The following GDF6 variants were observed in gnomAD, a reference collection of about 807,000 sequenced individuals.
The protein encoded by GDF6 is growth differentiation factor 6.
GDF6 carries 3 observed loss-of-function variants against 32.4 expected under a neutral mutation model. That is an observed-to-expected ratio of 0.09 (90% CI 0.04 to 0.24). GDF6 has a LOEUF of 0.24. Among genes scored for constraint, GDF6 ranks in the 10% least tolerant of loss-of-function variants. The probability of loss-of-function intolerance (pLI) is 1.00; values close to 1 mark genes in which losing one functional copy is unlikely to be tolerated. For missense variants in GDF6, 589 were observed against 637.9 expected, an observed-to-expected ratio of 0.92 and a Z score of 0.83; for synonymous variants, 296 against 295.3, an observed-to-expected ratio of 1.00 and a Z score of -0.03.
intron 1 of GDF6, among the ~76,000 whole-genome samples, chr8:96,149,922 G>T (rs528912294): frequency 1.3e-5 from 2 of 152,200 alleles, no homozygotes; most frequent in Non-Finnish European, 2.9e-5. Context: ...GACTCTGTGC[G>T]CTTGCCCACT....
rs958419622 is a variant in GDF6 at position 96,145,738 on chromosome 8, G to T, written c.407-214C>A. 6.6e-6 allele frequency among the ~76,000 whole-genome samples: 1 copy of T among 152,104 alleles called. No individual in the cohort carries two copies. Among genetic ancestry groups the T allele is most frequent in the Non-Finnish European group, 1.5e-5 (1 of 68,004 alleles). Reference sequence around the variant, plus strand: ...CGCCAGGACGGGCCCCCTCCTTCGCGTCAGCTCCGGACTCTCAGGGCGGAA... The same window carrying T: ...CGCCAGGACGGGCCCCCTCCTTCGCTTCAGCTCCGGACTCTCAGGGCGGAA... On this transcript the variant is annotated intron_variant, in intron 1 of 1. Transcript: ENST00000287020. This position sits in a 1 kb window ranked among gnomAD's most constrained non-coding sequence, Gnocchi z 5.6.
chr8:96,146,731 G>T (rs1166044239), intron 1 of GDF6, among the ~76,000 whole-genome samples: 1 of 151,358 alleles, frequency 6.6e-6, no homozygotes, highest in Non-Finnish European at 1.5e-5. Context: ...GAGAGATAGA[G>T]AGACTTTCCC....
chr8:96,144,483 C>G lies in GDF6; in HGVS notation c.*80G>C. On this transcript the variant is annotated 3_prime_UTR_variant, in exon 2 of 2. Coordinates refer to ENST00000287020, the MANE Select transcript of GDF6 (RefSeq NM_001001557.4). The surrounding 1 kb of genome is among the most constrained non-coding windows in gnomAD (Gnocchi z 5.1). Reference sequence around the variant, plus strand: ...CCCCCAGCGCCAGCTTCCTCCTCCGCCTCTCTGCAGCCAGGCCTCCCCTGC... The same window carrying G: ...CCCCCAGCGCCAGCTTCCTCCTCCGGCTCTCTGCAGCCAGGCCTCCCCTGC... 6.5e-7 allele frequency: 1 copy of G among 1,544,198 alleles called. No homozygotes were observed. Among genetic ancestry groups the G allele is most frequent in the Non-Finnish European group, 8.8e-7 (1 of 1,142,090 alleles).
chr8:96,148,820 C>A (rs1340346179), intron 1 of GDF6, among the ~76,000 whole-genome samples: 1 of 152,204 alleles, frequency 6.6e-6, no homozygotes, highest in African/African-American at 2.4e-5. Context: ...GCCACAAGTT[C>A]TCTTGGTTCT....
Position 96,145,633 on chromosome 8 carries a change from G to T in GDF6, c.407-109C>A. The T allele has an allele frequency of 1.5e-6, 2 of 1,361,766 alleles. No homozygotes were observed. The highest frequency in any genetic ancestry group is 2.0e-6 in the Non-Finnish European group (2 of 980,434). The allele number at this position is 1,361,766 out of a possible 1,614,324, so 84.4% of individuals were successfully genotyped here. On this transcript the variant is annotated intron_variant, in intron 1 of 1. Coordinates refer to ENST00000287020, the MANE Select transcript of GDF6 (RefSeq NM_001001557.4). The surrounding 1 kb of genome is among the most constrained non-coding windows in gnomAD (Gnocchi z 5.6). ...GGCGGGGAGTGGGGGCAGGTCGGCC[G>T]GGCAGTCCAGCTTGCCCGGCCCAGG...
chr8:96,145,674 C>A lies in GDF6; in HGVS notation c.407-150G>T, dbSNP rs572155748. ...CCGGCCCAGGGCCTGACCACCCCGG[C>A]TCCCCATCTGGCTGGTGCATGGCGC... On this transcript the variant is annotated intron_variant, in intron 1 of 1. Transcript: ENST00000287020. The surrounding 1 kb of genome is among the most constrained non-coding windows in gnomAD (Gnocchi z 5.6). 2.2e-6 allele frequency: 2 copies of A among 896,190 alleles called. No individual in the cohort carries two copies. Among genetic ancestry groups the A allele is most frequent in the South Asian group, 1.5e-5 (1 of 65,990 alleles). 55.5% of individuals were successfully genotyped at this position (896,190 alleles called of 1,614,324 possible). A position where few individuals can be genotyped will look rare whatever the true frequency, so the allele number is the denominator to read the frequency against.
At position 96,160,609 on chromosome 8, in the gene GDF6, G is replaced by C; in HGVS notation, c.84C>G (p.Ile28Met). ...WDLPGFQQAS[I>M]SSSSSSAELG... ...GCTCGGCGGACGACGAGGAGGATGA[G>C]ATGGAAGCCTGCTGGAAACCGGGCA... Residue 28 changes from isoleucine to methionine, a missense_variant, in exon 1 of 2, where the codon ATC becomes ATG. Ile to Met is a conservative substitution (Grantham distance 10). Around this residue, in one of 2 missense-constraint regions of GDF6, gnomAD observed 436 missense variants for 411.2 expected, o/e 1.06. Transcript: ENST00000287020. 1 of 1,613,762 alleles carries C rather than the reference G, an allele frequency of 6.2e-7. No homozygotes were observed. Among genetic ancestry groups the C allele is most frequent in the Non-Finnish European group, 8.5e-7 (1 of 1,179,730 alleles).
chr8:96,144,198 C>A lies in GDF6; in HGVS notation c.*365G>T. 1 of 230,714 alleles carries A rather than the reference C, an allele frequency of 4.3e-6. No individual in the cohort carries two copies. The highest frequency in any genetic ancestry group is 8.6e-6 in the Non-Finnish European group (1 of 116,558). 14.3% of individuals were successfully genotyped at this position (230,714 alleles called of 1,614,324 possible). ...TATGCATCTCTCCTCCCCTCCCCTT[C>A]TATCAAAGCCTGTAAGACACATAAG... is the stretch of plus-strand genomic sequence containing the variant. On this transcript the variant is annotated 3_prime_UTR_variant, in exon 2 of 2. Transcript: ENST00000287020. The surrounding 1 kb of genome is among the most constrained non-coding windows in gnomAD (Gnocchi z 5.1).
At chr8:96,156,623 A>C (rs536098743) in intron 1 of GDF6, among the ~76,000 whole-genome samples, 1 of 152,298 alleles carries the variant, frequency 6.6e-6, no homozygotes, top group South Asian at 2.1e-4. Flanking sequence ...ATGGCACCTA[A>C]ACACACAGGC....
rs1812746929 is a variant in GDF6 at position 96,160,714 on chromosome 8, C to T, written c.-22G>A. The T allele has an allele frequency of 5.6e-6, 9 of 1,611,490 alleles. No homozygotes were observed. The East Asian group carries it at 8.9e-5, about 16-fold the overall frequency. ...CCATGGCGGGCAAGTGGCTGCGTCT[C>T]CCCAGGAGGCGGTGGCGGCGGCGCA... On this transcript the variant is annotated 5_prime_UTR_variant, in exon 1 of 2. Coordinates refer to ENST00000287020, the MANE Select transcript of GDF6 (RefSeq NM_001001557.4).
At position 96,144,291 on chromosome 8, in the gene GDF6, A is replaced by AGAGAGAGAGGG. The variant is rs1554571161; in HGVS notation, c.*271_*272insCCCTCTCTCTC. On this transcript the variant is annotated 3_prime_UTR_variant, in exon 2 of 2. Coordinates refer to ENST00000287020, the MANE Select transcript of GDF6 (RefSeq NM_001001557.4). The surrounding 1 kb of genome is among the most constrained non-coding windows in gnomAD (Gnocchi z 5.1). ...GAGAGAGAGAGAGAGAGAGAGAGAG[A>AGAGAGAGAGGG]AAACAGAACAAAAGAAATCCTCCTT... 2.1e-6 allele frequency: 1 copy of AGAGAGAGAGGG among 485,046 alleles called. No individual in the cohort carries two copies. Among genetic ancestry groups the AGAGAGAGAGGG allele is most frequent in the African/African-American group, 2.4e-5 (1 of 41,078 alleles). 30.0% of individuals were successfully genotyped at this position (485,046 alleles called of 1,614,324 possible). A position where few individuals can be genotyped will look rare whatever the true frequency, so the allele number is the denominator to read the frequency against.
intron 1 of GDF6, among the ~76,000 whole-genome samples, chr8:96,154,812 C>T (rs776779008): frequency 1.3e-5 from 2 of 152,230 alleles, no homozygotes; most frequent in South Asian, 4.1e-4. Context: ...ACAGTCTCCA[C>T]CTCATTCCCT....
chr8:96,148,672 G>C (rs1363221939), intron 1 of GDF6, among the ~76,000 whole-genome samples: 1 of 152,182 alleles, frequency 6.6e-6, no homozygotes, highest in Non-Finnish European at 1.5e-5. Context: ...ACTGAGTAGG[G>C]GGGAGCACCA....
intron 1 of GDF6, among the ~76,000 whole-genome samples, chr8:96,146,085 C>G (rs1335361307): frequency 6.6e-6 from 1 of 152,176 alleles, no homozygotes; most frequent in Non-Finnish European, 1.5e-5. Flanking sequence ...CAGTAACACT[C>G]TGTCTGCCTC....
chr8:96,150,990 G>A (rs1228371800), intron 1 of GDF6, among the ~76,000 whole-genome samples: 2 of 152,224 alleles, frequency 1.3e-5, no homozygotes, highest in African/African-American at 4.8e-5. Flanking sequence ...CAGGTGTACT[G>A]GGTGATTAAA....
In GDF6 at chr8:96,144,996, G is replaced by A; in HGVS notation, c.935C>T (p.Ser312Leu). The change falls in exon 2 of 2, where the codon TCG (serine) becomes TTG (leucine). Residue 312 changes from serine (S) to leucine (L), a missense_variant. Physicochemically the swap from Ser to Leu is moderately radical, Grantham distance 145. Transcript: ENST00000287020. This position sits in a 1 kb window ranked among gnomAD's most constrained non-coding sequence, Gnocchi z 5.1. Reference protein sequence around the residue: ...AAGPGAGAEGSWPPPSGAPDA... With the variant: ...AAGPGAGAEGLWPPPSGAPDA... ...CGGGGCGCCCGACGGCGGCGGCCAC[G>A]ACCCCTCGGCGCCCGCGCCCGGGCC... The A allele has an allele frequency of 1.5e-6, 2 of 1,375,732 alleles. No homozygotes were observed. The highest frequency in any genetic ancestry group is 3.0e-5 in the African/African-American group (2 of 66,238). 85.2% of individuals were successfully genotyped at this position (1,375,732 alleles called of 1,614,324 possible).
rs187914131 is a variant in GDF6 at position 96,158,474 on chromosome 8, T to C, written c.406+1813A>G. ...CAGGGTCTTTTGGTCCTGTGCCAAA[T>C]TCACAGGGCGCAGCGAACCAGTTAT... On this transcript the variant is annotated intron_variant, in intron 1 of 1. Coordinates refer to ENST00000287020, the MANE Select transcript of GDF6 (RefSeq NM_001001557.4). 2.3e-3 allele frequency among the ~76,000 whole-genome samples: 345 copies of C among 152,266 alleles called. 2 individuals carry two copies. The highest frequency in any genetic ancestry group is 7.8e-3 in the African/African-American group (326 of 41,560).
chr8:96,153,034 C>T (rs976086755), intron 1 of GDF6, among the ~76,000 whole-genome samples: 6 of 152,216 alleles, frequency 3.9e-5, no homozygotes, highest in Non-Finnish European at 7.3e-5. Context: ...CTGAAAACAG[C>T]TTCGCACCCC....
rs777541984 is a variant in GDF6 at position 96,145,319 on chromosome 8, C to A, written c.612G>T (p.Pro204=). 14 of 1,533,394 alleles carry A rather than the reference C, an allele frequency of 9.1e-6. No individual in the cohort carries two copies. In the South Asian group the frequency reaches 1.7e-4, roughly 18 times the overall value. The allele number at this position is 1,533,394 out of a possible 1,614,324, so 95.0% of individuals were successfully genotyped here. The change falls in exon 2 of 2, where the codon CCG becomes CCT. Residue 204 remains proline (P), a synonymous_variant. Coordinates refer to ENST00000287020, the MANE Select transcript of GDF6 (RefSeq NM_001001557.4). The surrounding 1 kb of genome is among the most constrained non-coding windows in gnomAD (Gnocchi z 5.6). ...PLLLDARTLD[P]QGAPPAGWEV... ...CCCAGCCGGCCGGCGGCGCCCCCTG[C>A]GGGTCCAGGGTCCGCGCGTCCAGCA...
Sources: gnomAD v4.1 joint callset for allele counts (sites outside exome capture counted in the v4.1 genomes callset) on GRCh38, gnomAD v4.1.1 for gene constraint, gnomAD v4.1.1 regional missense constraint, Gnocchi (gnomAD v3.1) non-coding constraint, MANE v1.5 for transcripts, NCBI Gene and HGNC (gene_info 2026-07-23, HGNC 2026-07-21) for gene names.